Variants in FYB1 observed in about 807,000 individuals in gnomAD.
The protein encoded by FYB1 is FYN-binding protein 1.
In FYB1, 41 loss-of-function variants were observed where a neutral mutation model predicts 94.1. The ratio of observed to expected loss-of-function variants is 0.44; its 90% CI spans 0.34 to 0.57. The LOEUF is 0.57. Ranked by LOEUF, FYB1 falls within the 20% of genes least tolerant of loss-of-function variation. The pLI, the probability that FYB1 is intolerant of heterozygous loss-of-function variation, is 0.02. For missense variants in FYB1, 1,050 were observed against 976.8 expected (o/e 1.07, Z -1.00); for synonymous variants, 367 against 353.2 (o/e 1.04, Z -0.44).
chr5:39,164,762 G>C (rs937369404), intron 2 of FYB1, among the ~76,000 whole-genome samples: 1 of 152,178 alleles, frequency 6.6e-6, no homozygotes, highest in East Asian at 1.9e-4. Context: ...TAAAGAAAGA[G>C]AAAGCCTCGC....
At chr5:39,135,151 T>G (rs1741571826) in intron 7 of FYB1, 137 bp from the exon 8 acceptor site, 1 of 939,882 alleles carries the variant, frequency 1.1e-6, no homozygotes, top group Non-Finnish European at 1.6e-6. Flanking sequence ...AACCAGAAAT[T>G]GAGGGTGAAT....
rs569709582 is a variant in FYB1, at chr5:39,106,953, A to C, written c.*490T>G. Reference sequence around the variant, plus strand: ...GGTAAGACAGCACTGCCTTTTTAAAAGACAGGTCACTTGAATAGAGAATAT... The same window carrying C: ...GGTAAGACAGCACTGCCTTTTTAAACGACAGGTCACTTGAATAGAGAATAT... On this transcript the variant is annotated 3_prime_UTR_variant, in exon 19 of 19. Coordinates refer to ENST00000512982, the MANE Select transcript of FYB1 (RefSeq NM_001465.6). 7 of 152,282 alleles carry C rather than the reference A, an allele frequency of 4.6e-5. No homozygotes were observed. Among genetic ancestry groups the C allele is most frequent in the African/African-American group, 1.7e-4 (7 of 41,580 alleles). 9.4% of individuals were successfully genotyped at this position (152,282 alleles called of 1,614,324 possible).
chr5:39,158,819 A>G (rs1743990810), intron 2 of FYB1, among the ~76,000 whole-genome samples: 1 of 152,140 alleles, frequency 6.6e-6, no homozygotes, highest in African/African-American at 2.4e-5. Context: ...ACGTTATACC[A>G]TATTGCTGCT....
At chr5:39,216,070 G>T (rs1310114618) in intron 1 of FYB1, among the ~76,000 whole-genome samples, 2 of 152,104 alleles carry the variant, frequency 1.3e-5, no homozygotes, top group African/African-American at 4.8e-5. Context: ...GGCCAGAAAC[G>T]AATCCTCCCC....
intron 16 of FYB1, among the ~76,000 whole-genome samples, chr5:39,115,810 A>G (rs950446639): frequency 8.5e-5 from 13 of 152,234 alleles, no homozygotes; most frequent in Non-Finnish European, 1.3e-4. Flanking sequence ...AAATCATGAA[A>G]TAATACTTAA....
Position 39,113,870 on chromosome 5 carries a change from C to A in FYB1, c.2402-3481G>T, listed in dbSNP as rs186651929. Among the ~76,000 whole-genome samples, 309 of 152,050 alleles carry A rather than the reference C, an allele frequency of 2.0e-3. 2 individuals are homozygous for A. The highest frequency in any genetic ancestry group is 2.8e-3 in the Non-Finnish European group (189 of 67,952). ...TAGTATAATAAAAGAAAAAACAGAG[C>A]GTTGTATATAATACTGAATATAAAT... On this transcript the variant is annotated intron_variant, in intron 16 of 18. Coordinates refer to ENST00000512982, the MANE Select transcript of FYB1 (RefSeq NM_001465.6).
At chr5:39,110,422 T>C (rs748538570) in intron 16 of FYB1, 33 bp from the exon 17 acceptor site, 4 of 1,440,472 alleles carry the variant, frequency 2.8e-6, no homozygotes, top group Non-Finnish European at 2.9e-6. Context: ...ATTGTATCAA[T>C]AATACAGGTT....
chr5:39,256,604 C>T lies in FYB1; in HGVS notation c.-28+17799G>A, dbSNP rs919638605. On this transcript the variant is annotated intron_variant, in intron 1 of 1. Coordinates refer to the FYB1 transcript ENST00000510188. ...CTACAGGTGGACTTTGCTTAGAAAT[C>T]GGAAGCTACGACGATTTCACCCTCA... Among the ~76,000 whole-genome samples the T allele has an allele frequency of 5.3e-5, 8 of 152,226 alleles. No individual in the cohort carries two copies. The East Asian group carries it at 1.5e-3, about 29-fold the overall frequency.
At chr5:39,269,143 G>A (rs1027857381) in intron 1 of FYB1, among the ~76,000 whole-genome samples, 6 of 151,472 alleles carry the variant, frequency 4.0e-5, no homozygotes, top group African/African-American at 7.3e-5. Flanking sequence ...TCTGCCTCCC[G>A]GATTCACACC....
intron 3 of FYB1, among the ~76,000 whole-genome samples, chr5:39,152,670 T>C (rs1398380189): frequency 6.6e-6 from 1 of 152,182 alleles, no homozygotes; most frequent in Non-Finnish European, 1.5e-5. Context: ...TTACCAACTT[T>C]TCTATTAAAT....
chr5:39,253,225 A>G (rs148651160), intron 1 of FYB1, among the ~76,000 whole-genome samples: 59 of 152,374 alleles, frequency 3.9e-4, no homozygotes, highest in African/African-American at 1.2e-3. Flanking sequence ...AAAATTTACA[A>G]TGCAAGAATG....
intron 7 of FYB1, among the ~76,000 whole-genome samples, chr5:39,136,061 C>CT (rs1189693849): frequency 1.3e-5 from 2 of 151,850 alleles, no homozygotes; most frequent in African/African-American, 4.8e-5. Context: ...GGAAAGTATA[C>CT]TATATAGATT....
At chr5:39,114,223 T>A (rs1256458437) in intron 16 of FYB1, among the ~76,000 whole-genome samples, 1 of 151,818 alleles carries the variant, frequency 6.6e-6, no homozygotes, top group East Asian at 1.9e-4. Flanking sequence ...TGACAGGAGG[T>A]GGGAAAACTC....
intron 3 of FYB1, among the ~76,000 whole-genome samples, chr5:39,150,661 AACC>A (rs1743169920): frequency 6.6e-6 from 1 of 152,154 alleles, no homozygotes. Context: ...AAAACACTGG[AACC>A]ACCCATTCTA....
intron 2 of FYB1, among the ~76,000 whole-genome samples, chr5:39,168,060 G>A (rs1039683274): frequency 2.0e-5 from 3 of 152,070 alleles, no homozygotes; most frequent in Non-Finnish European, 4.4e-5. Flanking sequence ...AAAAAAATTA[G>A]TCAAACTAGA....
intron 2 of FYB1, among the ~76,000 whole-genome samples, chr5:39,168,989 T>C (rs534153680): frequency 6.6e-6 from 1 of 152,248 alleles, no homozygotes; most frequent in African/African-American, 2.4e-5. Flanking sequence ...AAAAGCAGAG[T>C]TGAGCTTGTT....
chr5:39,225,069 C>G (rs1243880143), intron 1 of FYB1, among the ~76,000 whole-genome samples: 1 of 152,192 alleles, frequency 6.6e-6, no homozygotes, highest in African/African-American at 2.4e-5. Flanking sequence ...AGAACAGTGT[C>G]TGCTTCCCCA....
At position 39,258,921 on chromosome 5, in the gene FYB1, C is replaced by T. The variant is rs1752095538; in HGVS notation, c.-28+15482G>A. On this transcript the variant is annotated intron_variant, in intron 1 of 1. Coordinates refer to the FYB1 transcript ENST00000510188. ...GGTATGGAAGGGTTTGTTAATCTAG[C>T]TTTTATAGTGTAGGGTCACTCTGTG... Among the ~76,000 whole-genome samples the T allele has an allele frequency of 5.3e-5, 8 of 152,218 alleles. 1 individual carries two copies. In the South Asian group the frequency reaches 1.5e-3, roughly 28 times the overall value.
chr5:39,249,232 T>G (rs1751613996), intron 1 of FYB1, among the ~76,000 whole-genome samples: 1 of 152,196 alleles, frequency 6.6e-6, no homozygotes, highest in Non-Finnish European at 1.5e-5. Flanking sequence ...CAGCCTTACA[T>G]GTGATATCAT....
Sources: allele counts gnomAD v4.1 joint callset (sites outside exome capture counted in the v4.1 genomes callset), GRCh38; gene constraint gnomAD v4.1.1; transcripts MANE v1.5; gene names NCBI Gene and HGNC (gene_info 2026-07-23, HGNC 2026-07-21).